Variants in FAAH2 observed in about 807,000 individuals in gnomAD.
FAAH2 encodes the protein fatty-acid amide hydrolase 2.
A neutral mutation model predicts 36.9 loss-of-function variants in FAAH2; 60 were observed. That is an observed-to-expected ratio of 1.63 (90% CI 1.32 to 2.02). FAAH2 has a LOEUF of 2.02. Among genes scored for constraint, FAAH2 ranks in the 30% most tolerant of loss-of-function variants. The pLI is 0.00. For synonymous variants in FAAH2, 214 were observed against 143.8 expected (o/e 1.49, Z -3.49); for missense variants, 689 against 397.5 (o/e 1.73, Z -6.23).
chrX:57,247,711 C>A, the FAAH2 span, among the ~76,000 whole-genome samples: 2 of 112,174 alleles, frequency 1.8e-5, no homozygotes, highest in African/African-American at 6.5e-5. Flanking sequence ...GGACAAGTGA[C>A]TTTAACTAAG....
At chrX:57,271,489 G>A in the FAAH2 span, among the ~76,000 whole-genome samples, 2 of 112,170 alleles carry the variant, frequency 1.8e-5, no homozygotes, top group Non-Finnish European at 3.8e-5. Flanking sequence ...CCAAGTAGGG[G>A]CCAACAGACA....
At chrX:57,165,876 G>C in the FAAH2 span, among the ~76,000 whole-genome samples, 1 of 110,394 alleles carries the variant, frequency 9.1e-6, no homozygotes, top group Non-Finnish European at 1.9e-5. Context: ...AGACACTCCT[G>C]TTTTCACACC....
chrX:57,458,556 A>C (rs2147208633), intron 10 of FAAH2, among the ~76,000 whole-genome samples: 1 of 112,073 alleles, frequency 8.9e-6, no homozygotes, highest in Admixed American at 9.4e-5. Context: ...GCTGAATAGG[A>C]ATAGCAGCTT....
chrX:57,214,857 A>G, the FAAH2 span, among the ~76,000 whole-genome samples: 1 of 111,182 alleles, frequency 9.0e-6, no homozygotes, highest in Non-Finnish European at 1.9e-5. Flanking sequence ...ATTATTTGGT[A>G]CCTGAATTTT....
intron 5 of FAAH2, among the ~76,000 whole-genome samples, chrX:57,356,170 A>G (rs934672628): frequency 1.8e-5 from 2 of 110,915 alleles, no homozygotes; most frequent in East Asian, 5.6e-4. Flanking sequence ...CTATTTTACT[A>G]GTAGTTTGTT....
chrX:57,280,094 G>A, the FAAH2 span, among the ~76,000 whole-genome samples: 2 of 111,318 alleles, frequency 1.8e-5, no homozygotes, highest in African/African-American at 6.5e-5. Context: ...ATAATTGAGG[G>A]CTTATGTATG....
chrX:57,286,869 G>A lies in FAAH2; in HGVS notation c.44G>A (p.Arg15Gln). ...GCCCGCATTCAGTTGTTCCTCTTGC[G>A]GGCGCTAGGCTTTCTCATAGGCTTA... Reference protein sequence around the residue: ...FTARIQLFLLRALGFLIGLVG... With the variant: ...FTARIQLFLLQALGFLIGLVG... The change falls in exon 1 of 11, where the codon CGG becomes CAG. Residue 15 changes from arginine (R) to glutamine (Q), a missense_variant. By Grantham distance (43) the Arg-to-Gln change is conservative (BLOSUM62 1). Transcript: ENST00000374900. The A allele has an allele frequency of 8.4e-7, 1 of 1,192,068 alleles. No individual in the cohort carries two copies.
At chrX:57,143,896 G>C in the FAAH2 span, among the ~76,000 whole-genome samples, 9 of 111,914 alleles carry the variant, frequency 8.0e-5, no homozygotes, top group Non-Finnish European at 1.3e-4. Context: ...TTATCAGTGA[G>C]TTTTAGATCT....
At chrX:57,431,771 G>GTTTTTTTTTTTTTTTTTTTTTTT (rs1218617071) in intron 7 of FAAH2, 147 bp from the exon 8 acceptor site, 9 of 202,008 alleles carry the variant, frequency 4.5e-5, no homozygotes, top group African/African-American at 4.0e-4. Flanking sequence ...TTGTTTTTTT[G>GTTTTTTTTTTTTTTTTTTTTTTT]TTTTTTTGTT....
the FAAH2 span, among the ~76,000 whole-genome samples, chrX:57,151,349 A>C: frequency 1.8e-5 from 2 of 112,134 alleles, no homozygotes; most frequent in Non-Finnish European, 3.8e-5. Flanking sequence ...AATATCCTGC[A>C]GAGTGTTTTC....
At chrX:57,186,844 G>T in the FAAH2 span, among the ~76,000 whole-genome samples, 1 of 111,739 alleles carries the variant, frequency 8.9e-6, no homozygotes, top group Non-Finnish European at 1.9e-5. Flanking sequence ...GCTTGTTTTT[G>T]TCAGTTTTGT....
chrX:57,479,263 G>A (rs1343218172), intron 10 of FAAH2, among the ~76,000 whole-genome samples: 2 of 111,567 alleles, frequency 1.8e-5, no homozygotes, highest in East Asian at 2.8e-4. Context: ...GTGAATGGGA[G>A]TTCACTCATG....
intron 4 of FAAH2, 35 bp from the exon 5 acceptor site, chrX:57,341,236 A>G (rs1280998532): frequency 2.5e-6 from 3 of 1,183,128 alleles, no homozygotes; most frequent in African/African-American, 3.5e-5. Flanking sequence ...AGTATATTAG[A>G]TTATTTATTT....
At chrX:57,459,019 C>T (rs1225785653) in intron 10 of FAAH2, among the ~76,000 whole-genome samples, 1 of 111,714 alleles carries the variant, frequency 9.0e-6, no homozygotes, top group Non-Finnish European at 1.9e-5. Context: ...AGCCAGAGAG[C>T]CAAGTGGTCT....
Position 57,378,659 on chromosome X carries a change from C to G in FAAH2, c.751C>G (p.Pro251Ala). The G allele has an allele frequency of 8.3e-7, 1 of 1,210,946 alleles. No individual in the cohort carries two copies. Among genetic ancestry groups the G allele is most frequent in the Non-Finnish European group, 1.1e-6 (1 of 895,100 alleles). Residue 251 changes from proline to alanine, a missense_variant, in exon 6 of 11, where the codon CCC becomes GCC. Transcript: ENST00000374900. ...FGHKPSPGVVPNKGQFPLAVG... is the reference protein window; with the variant it reads ...FGHKPSPGVVANKGQFPLAVG... ...ACTGTCTATCCTTTCAGGTGTGGTTCCCAACAAAGGTCAGTTTCCCTTGGC... is the reference window on the plus strand; with the variant it reads ...ACTGTCTATCCTTTCAGGTGTGGTTGCCAACAAAGGTCAGTTTCCCTTGGC...
intron 10 of FAAH2, among the ~76,000 whole-genome samples, chrX:57,478,457 G>T (rs1268078927): frequency 9.0e-6 from 1 of 111,412 alleles, no homozygotes; most frequent in East Asian, 2.8e-4. Flanking sequence ...CACTCTGATT[G>T]CAGTTTCTTT....
At chrX:57,461,721 C>A (rs1411116859) in intron 10 of FAAH2, among the ~76,000 whole-genome samples, 1 of 110,007 alleles carries the variant, frequency 9.1e-6, no homozygotes, top group African/African-American at 3.3e-5. Flanking sequence ...AATCAACACC[C>A]TAACATCACA....
At chrX:57,200,878 T>A in the FAAH2 span, among the ~76,000 whole-genome samples, 1 of 111,186 alleles carries the variant, frequency 9.0e-6, no homozygotes, top group African/African-American at 3.3e-5. Context: ...CATCTGATGA[T>A]TTTTTATTGA....
the FAAH2 span, among the ~76,000 whole-genome samples, chrX:57,165,369 G>A: frequency 1.8e-5 from 2 of 112,444 alleles, no homozygotes; most frequent in African/African-American, 6.5e-5. Context: ...CATAAAAAAG[G>A]ATGAGTTCAT....
Sources: allele counts gnomAD v4.1 joint callset (sites outside exome capture counted in the v4.1 genomes callset), GRCh38; gene constraint gnomAD v4.1.1; transcripts MANE v1.5; gene names NCBI Gene and HGNC (gene_info 2026-07-23, HGNC 2026-07-21).